Variants in MTMR10 observed in about 807,000 individuals in gnomAD.
The protein encoded by MTMR10 is myotubularin related protein 10.
Under a neutral mutation model 88.1 loss-of-function variants are expected in MTMR10, and 56 were observed. That is an observed-to-expected ratio of 0.64 (90% confidence interval 0.51 to 0.79). MTMR10 has a LOEUF of 0.79. Ranked by LOEUF, MTMR10 falls within the 30% of genes least tolerant of loss-of-function variation. The pLI is 0.00. For missense variants in MTMR10, 883 were observed against 924.7 expected (o/e 0.95, Z 0.58); for synonymous variants, 380 against 340.9 (o/e 1.11, Z -1.26).
intron 14 of MTMR10, 47 bp from the exon 15 acceptor site, chr15:30,943,119 T>C (rs1206026814): frequency 2.3e-5 from 35 of 1,511,396 alleles, no homozygotes; most frequent in Non-Finnish European, 3.1e-5. Flanking sequence ...GATTCTCTCA[T>C]GAATGCCTTT....
intron 6 of MTMR10, among the ~76,000 whole-genome samples, chr15:30,963,662 T>TAGACAGACAGATAGAC (rs756026159): frequency 3.6e-4 from 52 of 144,172 alleles, no homozygotes; most frequent in African/African-American, 1.0e-3. Flanking sequence ...GATAGATAGA[T>TAGACAGACAGATAGAC]AGACAGACAG....
At position 30,940,259 on chromosome 15, in the gene MTMR10, TCA is replaced by T. The variant is rs750658488; in HGVS notation, c.*1209_*1210del. 225 of 979,902 alleles carry T rather than the reference TCA, an allele frequency of 2.3e-4. No individual in the cohort carries two copies. Among genetic ancestry groups the T allele is most frequent in the Non-Finnish European group, 2.6e-4 (213 of 827,304 alleles). The allele number at this position is 979,902 out of a possible 1,614,324, so 60.7% of individuals were successfully genotyped here. A position where few individuals can be genotyped will look rare whatever the true frequency, so the allele number is the denominator to read the frequency against. ...CGCTACAGTGGTAGGTAGGCTCTTG[TCA>T]CACAGTTTGGAAATACTTTACTTTA... On this transcript the variant is annotated 3_prime_UTR_variant, in exon 16 of 16. Transcript: ENST00000435680.
downstream of MTMR10, among the ~76,000 whole-genome samples, chr15:30,935,986 T>C (rs1026399008): frequency 4.6e-5 from 7 of 152,194 alleles, no homozygotes; most frequent in Admixed American, 4.6e-4. Flanking sequence ...TTTCATCAAA[T>C]TTGGAAAATT....
chr15:30,984,249 G>C (rs546185229), intron 2 of MTMR10, among the ~76,000 whole-genome samples: 1 of 152,302 alleles, frequency 6.6e-6, no homozygotes, highest in Admixed American at 6.5e-5. Context: ...GAGGAGTTTG[G>C]AGGGGTAAGA....
chr15:30,922,358 C>G, the MTMR10 span: 1 of 1,595,762 alleles, frequency 6.3e-7, no homozygotes, highest in Non-Finnish European at 8.5e-7. Context: ...GGAACCGGTA[C>G]TCAGTAACAA....
chr15:30,976,825 T>C lies in MTMR10; in HGVS notation c.252A>G (p.Pro84=), dbSNP rs764796262. The change falls in exon 3 of 16, where the codon CCA becomes CCG. Residue 84 remains proline (P), a synonymous_variant. Transcript: ENST00000435680. ...KISFITDDPM[P]LQKFHYRNLL... ...GTGTACTAATAAAACACACCTGTAA[T>C]GGCATTGGGTCATCTGTAATAAAGG... 1 of 1,613,022 alleles carries C rather than the reference T, an allele frequency of 6.2e-7. No individual in the cohort carries two copies. The highest frequency in any genetic ancestry group is 1.1e-5 in the South Asian group (1 of 90,780).
In MTMR10 at chr15:30,976,759, A is replaced by G. The variant is rs2030183312; in HGVS notation, c.258+60T>C. On this transcript the variant is annotated intron_variant, in intron 3 of 15. Coordinates refer to ENST00000435680, the MANE Select transcript of MTMR10 (RefSeq NM_017762.3). The stretch of plus-strand genomic sequence containing the variant: ...TTCCATACCTATGTTTTATATAATA[A>G]TATGTACCACTTAGAGTTGAAAGCC... 5.2e-6 allele frequency: 8 copies of G among 1,535,592 alleles called. No individual in the cohort carries two copies. In the African/African-American group the frequency reaches 6.9e-5, roughly 13 times the overall value.
chr15:30,971,915 C>G (rs772661908), intron 5 of MTMR10, among the ~76,000 whole-genome samples: 1 of 152,096 alleles, frequency 6.6e-6, no homozygotes, highest in Non-Finnish European at 1.5e-5. Context: ...GTGCCCAAAG[C>G]AATCTAATTT....
chr15:30,925,810 T>G, the MTMR10 span: 1 of 1,614,158 alleles, frequency 6.2e-7, no homozygotes, highest in South Asian at 1.1e-5. Flanking sequence ...AGGCAGGCTG[T>G]GCCCACAGCG....
chr15:30,975,397 A>G lies in MTMR10; in HGVS notation c.259-394T>C, dbSNP rs112999682. Among the ~76,000 whole-genome samples the G allele has an allele frequency of 2.4e-3, 359 of 152,358 alleles. 1 individual carries two copies. Among genetic ancestry groups the G allele is most frequent in the African/African-American group, 8.2e-3 (341 of 41,588 alleles). ...ATCTTTTTAAAGCACAAAGTCTACT[A>G]GAAATAAAAACCATTAGAAAAGGTT... On this transcript the variant is annotated intron_variant, in intron 3 of 15. Coordinates refer to ENST00000435680, the MANE Select transcript of MTMR10 (RefSeq NM_017762.3).
intron 12 of MTMR10, chr15:30,949,249 C>T (rs934682031): frequency 1.3e-5 from 2 of 152,166 alleles, no homozygotes; most frequent in Non-Finnish European, 2.9e-5. Context: ...TAATGTTATT[C>T]CCATTTCACT....
Position 30,984,081 on chromosome 15 carries a change from C to T in MTMR10, c.121+6696G>A, listed in dbSNP as rs116709274. On this transcript the variant is annotated intron_variant, in intron 2 of 15. Transcript: ENST00000435680. ...AGGCATCTGGAAGAGACCAAGGAAGCGGCATGATTGAAGCAAATATCAATA... is the reference window on the plus strand; with the variant it reads ...AGGCATCTGGAAGAGACCAAGGAAGTGGCATGATTGAAGCAAATATCAATA... Among the ~76,000 whole-genome samples, 745 of 152,182 alleles carry T rather than the reference C, an allele frequency of 4.9e-3. 6 individuals carry two copies. The highest frequency in any genetic ancestry group is 0.017 in the African/African-American group (704 of 41,524).
the MTMR10 span, chr15:30,928,751 C>G: frequency 3.3e-5 from 52 of 1,585,592 alleles, no homozygotes; most frequent in African/African-American, 6.1e-4. Flanking sequence ...CAGCAGAAAC[C>G]ATCTCTGTTA....
chr15:30,926,091 C>T, the MTMR10 span: 1 of 762,558 alleles, frequency 1.3e-6, no homozygotes, highest in Non-Finnish European at 2.1e-6. Context: ...CTATTCTTCC[C>T]CTTATCAATG....
chr15:30,928,845 G>A, the MTMR10 span: 3 of 939,834 alleles, frequency 3.2e-6, no homozygotes, highest in Non-Finnish European at 3.8e-6. Flanking sequence ...AGTATGTGAA[G>A]TTTTAAACTT....
chr15:30,939,042 C>G lies in MTMR10; in HGVS notation c.*2428G>C. On this transcript the variant is annotated 3_prime_UTR_variant, in exon 16 of 16. Transcript: ENST00000435680. ...TCTTCTTGCTCATCCCACTTGAACT[C>G]AAGTCATCAATTTTAGGCACAAAGG... 1.0e-6 allele frequency: 1 copy of G among 985,388 alleles called. No homozygotes were observed. Among genetic ancestry groups the G allele is most frequent in the Non-Finnish European group, 1.2e-6 (1 of 829,914 alleles). 61.0% of individuals were successfully genotyped at this position (985,388 alleles called of 1,614,324 possible).
the MTMR10 span, chr15:30,926,043 C>T: frequency 8.5e-7 from 1 of 1,172,412 alleles, no homozygotes; most frequent in South Asian, 1.4e-5. Context: ...CTGTCCTCTG[C>T]TCACAGTGGA....
At chr15:30,991,192 C>T (rs886991930) in intron 1 of MTMR10, 1 of 483,770 alleles carries the variant, frequency 2.1e-6, no homozygotes, top group Non-Finnish European at 3.6e-6. Context: ...TCCCCTGGGC[C>T]TCAACACTCC....
the MTMR10 span, chr15:30,926,565 T>A: frequency 1.1e-6 from 1 of 946,428 alleles, no homozygotes; most frequent in African/African-American, 1.8e-5. Flanking sequence ...TTCTTTCTGA[T>A]GAGTGTTGAG....
Sources: allele counts gnomAD v4.1 joint callset (sites outside exome capture counted in the v4.1 genomes callset), GRCh38; gene constraint gnomAD v4.1.1; transcripts MANE v1.5; gene names NCBI Gene and HGNC (gene_info 2026-07-23, HGNC 2026-07-21).